Variants in MAP4K1 observed in about 807,000 individuals in gnomAD.
MAP4K1 encodes the protein mitogen-activated protein kinase kinase kinase kinase 1, also known as MAPK/ERK kinase kinase kinase 1.
MAP4K1 carries 35 observed loss-of-function variants against 122.8 expected under a neutral mutation model. The observed-to-expected ratio is 0.29, with a 90% CI of 0.22 to 0.38. The LOEUF is 0.38. Ranked by LOEUF, MAP4K1 falls within the 10% of genes least tolerant of loss-of-function variation. The pLI, the probability that MAP4K1 is intolerant of heterozygous loss-of-function variation, is 1.00. For synonymous variants in MAP4K1, 412 were observed against 421.3 expected (o/e 0.98, Z 0.27); for missense variants, 791 against 1,072.6 (o/e 0.74, Z 3.67).
At chr19:38,591,898 T>C (rs1327288654) in intron 30 of MAP4K1, among the ~76,000 whole-genome samples, 2 of 144,390 alleles carry the variant, frequency 1.4e-5, no homozygotes, top group Admixed American at 1.4e-4. Flanking sequence ...GTGAACCCAG[T>C]GGGTGGAGGT....
rs201515656 is a variant in MAP4K1 at position 38,617,755 on chromosome 19, G to A, written c.99+42C>T. On this transcript the variant is annotated intron_variant, in intron 1 of 30. Transcript: ENST00000396857. The surrounding 1 kb of genome is among the most constrained non-coding windows in gnomAD (Gnocchi z 4.1). Reference sequence around the variant, plus strand: ...TCCCTGCCGAGGGCTTGCCTTAAAGGTCACTGGTTGTAGGGTGTTGGGGAC... The same window carrying A: ...TCCCTGCCGAGGGCTTGCCTTAAAGATCACTGGTTGTAGGGTGTTGGGGAC... 1.2e-6 allele frequency: 2 copies of A among 1,610,562 alleles called. No individual in the cohort carries two copies. The highest frequency in any genetic ancestry group is 2.7e-5 in the African/African-American group (2 of 74,830).
At chr19:38,595,900 G>C (rs1268753778) in intron 27 of MAP4K1, 39 bp downstream of exon 27, 12 of 1,605,080 alleles carry the variant, frequency 7.5e-6, no homozygotes, top group Non-Finnish European at 9.4e-6. Flanking sequence ...GACTGCAGCT[G>C]GAGGGGTGGG....
intron 19 of MAP4K1, among the ~76,000 whole-genome samples, chr19:38,602,779 CATAT>C (rs1491242146): frequency 1.4e-5 from 2 of 144,146 alleles, no homozygotes; most frequent in East Asian, 2.1e-4. Flanking sequence ...CATATATACA[CATAT>C]ACATATATAC....
rs199578592 is a variant in MAP4K1 at position 38,616,730 on chromosome 19, C to T, written c.249-471G>A. Among the ~76,000 whole-genome samples, 24 of 152,256 alleles carry T rather than the reference C, an allele frequency of 1.6e-4. No homozygotes were observed. The East Asian group carries it at 2.5e-3, about 16-fold the overall frequency. On this transcript the variant is annotated intron_variant, in intron 3 of 30. Coordinates refer to ENST00000396857, the MANE Select transcript of MAP4K1 (RefSeq NM_001042600.3). ...CCAAAGAGCAGAATGGTGAGAGCTT[C>T]GTTTCAAGGGAGTTGATTTCAAATT...
At chr19:38,594,076 A>G (rs774121874) in intron 29 of MAP4K1, among the ~76,000 whole-genome samples, 1 of 152,114 alleles carries the variant, frequency 6.6e-6, no homozygotes, top group Non-Finnish European at 1.5e-5. Context: ...TTAACTATCC[A>G]TATATCTCTA....
chr19:38,609,801 C>T, intron 12 of MAP4K1, 108 bp downstream of exon 12: 3 of 1,311,240 alleles, frequency 2.3e-6, no homozygotes, highest in Non-Finnish European at 3.3e-6. Flanking sequence ...CCCATCCTCC[C>T]TCCCTGTTTT....
rs1975686615 is a variant in MAP4K1, at chr19:38,617,562, C to T, written c.157+6G>A. ...GTGGGGAAGGAGCTCCATGTTCCCT[C>T]CTCACCAGGCTCCATCTTCACCATC... On this transcript the variant is annotated splice_donor_region_variant and intron_variant, in intron 2 of 30. Coordinates refer to ENST00000396857, the MANE Select transcript of MAP4K1 (RefSeq NM_001042600.3). The surrounding 1 kb of genome is among the most constrained non-coding windows in gnomAD (Gnocchi z 4.1). The T allele has an allele frequency of 3.7e-6, 6 of 1,613,920 alleles. No homozygotes were observed. The highest frequency in any genetic ancestry group is 5.1e-6 in the Non-Finnish European group (6 of 1,179,970).
In MAP4K1 at chr19:38,596,346, G is replaced by A; in HGVS notation, c.2082C>T (p.Gly694=). The A allele has an allele frequency of 6.2e-7, 1 of 1,601,134 alleles. No individual in the cohort carries two copies. Among genetic ancestry groups the A allele is most frequent in the Non-Finnish European group, 8.5e-7 (1 of 1,175,190 alleles). ...TCTCGCCCAGCCAGCAAGAGAGCGC[G>A]CCAAAGCGCACCGTGTGGAAGAGCA... ...KSVLFHTVRF[G]ALSCWLGEMS... is the part of the protein sequence containing the mutation. The change falls in exon 26 of 31, where the codon GGC becomes GGT. Residue 694 remains glycine (G), a synonymous_variant. Coordinates refer to ENST00000396857, the MANE Select transcript of MAP4K1 (RefSeq NM_001042600.3).
chr19:38,604,073 C>G (rs995341554), intron 19 of MAP4K1, among the ~76,000 whole-genome samples: 1 of 144,316 alleles, frequency 6.9e-6, no homozygotes, highest in African/African-American at 2.6e-5. Context: ...CTGCAGTGAG[C>G]CATGATCGCG....
At chr19:38,608,222 C>A (rs769700375) in intron 13 of MAP4K1, 52 bp from the exon 14 acceptor site, 2 of 850,918 alleles carry the variant, frequency 2.4e-6, no homozygotes, top group South Asian at 2.1e-5. Context: ...CAAGGGGTAA[C>A]GAGATGGGTT....
chr19:38,611,144 G>A lies in MAP4K1; in HGVS notation c.729-12C>T. 2.5e-6 allele frequency: 4 copies of A among 1,612,976 alleles called. No homozygotes were observed. Among genetic ancestry groups the A allele is most frequent in the Non-Finnish European group, 2.5e-6 (3 of 1,179,156 alleles). The stretch of plus-strand genomic sequence containing the variant: ...GGAAGGCAGCCGACCTTGGGAAGAA[G>A]AAGCCAGGTTCTGGATGAGGGGACC... On this transcript the variant is annotated splice_polypyrimidine_tract_variant and intron_variant, in intron 10 of 30. Coordinates refer to ENST00000396857, the MANE Select transcript of MAP4K1 (RefSeq NM_001042600.3).
intron 22 of MAP4K1, 146 bp downstream of exon 22, chr19:38,599,779 G>C (rs1466405289): frequency 1.3e-6 from 1 of 778,946 alleles, no homozygotes. Context: ...GGGGAGCACA[G>C]TCAAAAAGTG....
chr19:38,587,734 A>ACC lies in MAP4K1; in HGVS notation c.*12_*13dup. 6.2e-7 allele frequency: 1 copy of ACC among 1,609,558 alleles called. No individual in the cohort carries two copies. The highest frequency in any genetic ancestry group is 8.5e-7 in the Non-Finnish European group (1 of 1,176,148). The stretch of plus-strand genomic sequence containing the variant: ...GGGGGTGCAAGGACTAGTTCCTGAC[A>ACC]CCCCCCTAGGGACTCATTCCTGGAT... On this transcript the variant is annotated 3_prime_UTR_variant, in exon 31 of 31. Coordinates refer to ENST00000396857, the MANE Select transcript of MAP4K1 (RefSeq NM_001042600.3).
chr19:38,593,520 T>C (rs1265081024), intron 29 of MAP4K1, among the ~76,000 whole-genome samples, 183 bp from the exon 30 acceptor site: 1 of 152,164 alleles, frequency 6.6e-6, no homozygotes, highest in East Asian at 1.9e-4. Flanking sequence ...CTGGCCAACA[T>C]GGCAAAACCT....
chr19:38,596,073 A>G (rs1450887027), intron 26 of MAP4K1, 72 bp from the exon 27 acceptor site: 1 of 1,467,784 alleles, frequency 6.8e-7, no homozygotes, highest in East Asian at 2.3e-5. Flanking sequence ...CCAGAAGGCC[A>G]GTACCTGTGC....
chr19:38,601,466 G>T lies in MAP4K1; in HGVS notation c.1506C>A (p.Ala502=). ...CCTTGGTGGAGGGATGTGTCCAGGC[G>T]GCCGTGCTGTGGATCCGGAGGGGGC... ...NGCPLRIHST[A]AWTHPSTKDQ... The change falls in exon 20 of 31, where the codon GCC becomes GCA. Residue 502 remains alanine (A), a synonymous_variant. Coordinates refer to ENST00000396857, the MANE Select transcript of MAP4K1 (RefSeq NM_001042600.3). 6.2e-7 allele frequency: 1 copy of T among 1,610,172 alleles called. No individual in the cohort carries two copies. Among genetic ancestry groups the T allele is most frequent in the Non-Finnish European group, 8.5e-7 (1 of 1,178,472 alleles).
Position 38,603,217 on chromosome 19 carries a change from CACATAT to C in MAP4K1, c.1447-1698_1447-1693del, listed in dbSNP as rs776474673. 2.4e-3 allele frequency among the ~76,000 whole-genome samples: 351 copies of C among 147,388 alleles called. 2 individuals carry two copies. Among genetic ancestry groups the C allele is most frequent in the African/African-American group, 8.2e-3 (328 of 39,924 alleles). ...ATACATATATACACATACATATATA[CACATAT>C]ACATATACACATATATATACACATG... On this transcript the variant is annotated intron_variant, in intron 19 of 30. Transcript: ENST00000396857.
chr19:38,617,243 CAAAAAAGAAAA>C lies in MAP4K1; in HGVS notation c.248+100_248+110del. 1.3e-6 allele frequency: 1 copy of C among 772,928 alleles called. No individual in the cohort carries two copies. Among genetic ancestry groups the C allele is most frequent in the South Asian group, 1.5e-5 (1 of 66,240 alleles). 47.9% of individuals were successfully genotyped at this position (772,928 alleles called of 1,614,324 possible). On this transcript the variant is annotated intron_variant, in intron 3 of 30. Transcript: ENST00000396857. The surrounding 1 kb of genome is among the most constrained non-coding windows in gnomAD (Gnocchi z 4.1). ...CTGGCAACAGAACAAGACTCCATCT[CAAAAAAGAAAA>C]AGAAAAGAAAAAAAAAGAACTGAGG...
chr19:38,616,863 T>C (rs1009900051), intron 3 of MAP4K1, among the ~76,000 whole-genome samples: 2 of 151,586 alleles, frequency 1.3e-5, no homozygotes, highest in African/African-American at 4.9e-5. Context: ...GACTTAGGAG[T>C]GAGGATCATG....
Sources: allele counts gnomAD v4.1 joint callset (sites outside exome capture counted in the v4.1 genomes callset), GRCh38; gene constraint gnomAD v4.1.1; non-coding constraint Gnocchi (gnomAD v3.1); transcripts MANE v1.5; gene names NCBI Gene and HGNC (gene_info 2026-07-23, HGNC 2026-07-21).